RAD18: variants seen among roughly 807,000 people sequenced by gnomAD.
RAD18 encodes RAD18 E3 ubiquitin protein ligase.
Under a neutral mutation model 60.4 loss-of-function variants are expected in RAD18, and 47 were observed. That is an observed-to-expected ratio of 0.78 (90% CI 0.62 to 0.99). The LOEUF (loss-of-function observed/expected upper bound fraction) is 0.99, where lower values mean the gene tolerates loss of function less well. RAD18 is among the 50% of genes least tolerant of loss of function. The probability of loss-of-function intolerance (pLI) is 0.00; values close to 1 mark genes in which losing one functional copy is unlikely to be tolerated. For synonymous variants in RAD18, 225 were observed against 195.5 expected (o/e 1.15, Z -1.26); for missense variants, 640 against 593.3 (o/e 1.08, Z -0.82).
At chr3:8,956,389 C>T (rs777176050) in intron 2 of RAD18, among the ~76,000 whole-genome samples, 49 of 152,320 alleles carry the variant, frequency 3.2e-4, no homozygotes, top group Non-Finnish European at 6.3e-4. Context: ...GCATATGTAA[C>T]ATCAACACAC....
At chr3:8,944,743 G>A (rs1940812108) in intron 4 of RAD18, among the ~76,000 whole-genome samples, 1 of 152,146 alleles carries the variant, frequency 6.6e-6, no homozygotes, top group Admixed American at 6.5e-5. Context: ...CTTCAGAATG[G>A]GGCTAAGAAT....
In RAD18 at chr3:8,935,804, A is replaced by G. The variant is rs1396495529; in HGVS notation, c.889+67T>C. 3.0e-6 allele frequency: 4 copies of G among 1,325,348 alleles called. No individual in the cohort carries two copies. The African/African-American group carries it at 6.1e-5, about 20-fold the overall frequency. 82.1% of individuals were successfully genotyped at this position (1,325,348 alleles called of 1,614,324 possible). Reference sequence around the variant, plus strand: ...TTTACAATATTTTTCTATGGTTTATAATTTCTGAGCTACACAAAATTGCTT... The same window carrying G: ...TTTACAATATTTTTCTATGGTTTATGATTTCTGAGCTACACAAAATTGCTT... On this transcript the variant is annotated intron_variant, in intron 7 of 12. Transcript: ENST00000264926.
In RAD18 at chr3:8,878,181, T is replaced by C. The variant is rs1939398570; in HGVS notation, c.*3176A>G. On this transcript the variant is annotated 3_prime_UTR_variant, in exon 13 of 13. Transcript: ENST00000264926. ...CAACATATGCAAGCATGGACTTGTA[T>C]CTGTATTCTGAATATCTGAACCTGG... 1 of 152,222 alleles carries C rather than the reference T, an allele frequency of 6.6e-6. No homozygotes were observed. Among genetic ancestry groups the C allele is most frequent in the East Asian group, 1.9e-4 (1 of 5,192 alleles). The allele number at this position is 152,222 out of a possible 1,614,324, so 9.4% of individuals were successfully genotyped here. A position where few individuals can be genotyped will look rare whatever the true frequency, so the allele number is the denominator to read the frequency against.
Position 8,913,644 on chromosome 3 carries a change from A to G in RAD18, c.966T>C (p.Ser322=). Residue 322 remains serine, a splice_region_variant and synonymous_variant, in exon 8 of 13, where the codon AGT becomes AGC. Transcript: ENST00000264926. ...ATACTGAAATAGCCCATTAACATAC[A>G]CTTTCATTGAGTTTACTAGCTTCAA... The part of the protein sequence containing the change: ...MRLEASKLNE[S]VMVFTKDQTE... The G allele has an allele frequency of 6.5e-7, 1 of 1,539,924 alleles. No individual in the cohort carries two copies. The highest frequency in any genetic ancestry group is 8.8e-7 in the Non-Finnish European group (1 of 1,137,760).
chr3:8,898,997 G>C lies in RAD18; in HGVS notation c.1219C>G (p.Leu407Val), dbSNP rs1430693994. 1 of 1,608,254 alleles carries C rather than the reference G, an allele frequency of 6.2e-7. No homozygotes were observed. Among genetic ancestry groups the C allele is most frequent in the African/African-American group, 1.3e-5 (1 of 74,764 alleles). The change falls in exon 11 of 13, where the codon CTG becomes GTG. Residue 407 changes from leucine to valine, a missense_variant. Coordinates refer to ENST00000264926, the MANE Select transcript of RAD18 (RefSeq NM_020165.4). ...SVTNHFSQSK[L>V]DSPEELEPDR... The stretch of plus-strand genomic sequence containing the variant: ...GGTTCCAATTCCTCTGGGGAGTCCA[G>C]CTTTGATTGAGAAAAGTGGTTTGTT...
intron 7 of RAD18, among the ~76,000 whole-genome samples, chr3:8,933,275 G>A (rs1301420138): frequency 1.3e-5 from 2 of 151,910 alleles, no homozygotes; most frequent in Non-Finnish European, 2.9e-5. Context: ...AAATTATAGG[G>A]ACAAAAAAAG....
intron 12 of RAD18, among the ~76,000 whole-genome samples, chr3:8,882,538 A>G (rs1182280313): frequency 1.3e-5 from 2 of 152,198 alleles, no homozygotes; most frequent in Non-Finnish European, 2.9e-5. Flanking sequence ...CTAGACTGAG[A>G]TAACAGTGAA....
At chr3:8,900,007 G>T (rs924122614) in intron 10 of RAD18, among the ~76,000 whole-genome samples, 5 of 152,168 alleles carry the variant, frequency 3.3e-5, no homozygotes, top group African/African-American at 7.2e-5. Context: ...TATACAGAGA[G>T]AATTTATGGG....
intron 8 of RAD18, 193 bp from the exon 9 acceptor site, chr3:8,912,565 C>A: frequency 2.8e-6 from 1 of 356,496 alleles, no homozygotes; most frequent in Non-Finnish European, 5.0e-6. Context: ...ACATTTTACT[C>A]ATTATTTTTT....
At position 8,877,994 on chromosome 3, in the gene RAD18, A is replaced by C. The variant is rs1231404703; in HGVS notation, c.*3363T>G. 1 of 152,312 alleles carries C rather than the reference A, an allele frequency of 6.6e-6. No homozygotes were observed. The highest frequency in any genetic ancestry group is 1.5e-5 in the Non-Finnish European group (1 of 68,118). 9.4% of individuals were successfully genotyped at this position (152,312 alleles called of 1,614,324 possible). On this transcript the variant is annotated 3_prime_UTR_variant, in exon 13 of 13. Transcript: ENST00000264926. ...AGGCCAAGAGACTGAAATGGACAGG[A>C]AGGCAGGGCTGCCCTAGCACTTGGC...
chr3:8,920,278 CAAA>C (rs60504682), intron 7 of RAD18, among the ~76,000 whole-genome samples: 1 of 70,064 alleles, frequency 1.4e-5, no homozygotes. Context: ...GACTCCGTCT[CAAA>C]AAAAAAAAAA....
intron 2 of RAD18, among the ~76,000 whole-genome samples, chr3:8,949,658 C>T (rs1358925628): frequency 6.6e-6 from 1 of 150,484 alleles, no homozygotes; most frequent in Non-Finnish European, 1.5e-5. Context: ...CTGCTCTCCC[C>T]GAACTGGAGA....
intron 8 of RAD18, 93 bp downstream of exon 8, chr3:8,913,551 A>G: frequency 1.1e-6 from 1 of 900,588 alleles, no homozygotes; most frequent in Non-Finnish European, 1.6e-6. Flanking sequence ...GTGTTAGTAA[A>G]TGAATAAATT....
intron 2 of RAD18, among the ~76,000 whole-genome samples, chr3:8,948,939 A>G (rs1396526240): frequency 6.6e-6 from 1 of 152,158 alleles, no homozygotes; most frequent in Admixed American, 6.5e-5. Flanking sequence ...ATATATACAC[A>G]TATTAAGAAA....
Position 8,881,113 on chromosome 3 carries a change from T to C in RAD18, c.*244A>G. 2 of 430,260 alleles carry C rather than the reference T, an allele frequency of 4.6e-6. No homozygotes were observed. Among genetic ancestry groups the C allele is most frequent in the East Asian group, 4.7e-5 (1 of 21,332 alleles). 26.7% of individuals were successfully genotyped at this position (430,260 alleles called of 1,614,324 possible). Reference sequence around the variant, plus strand: ...GAGTCTACCTCCTCTGCAAAGCTGGTACCTGTGTGAAATGTCAGTATTTTT... The same window carrying C: ...GAGTCTACCTCCTCTGCAAAGCTGGCACCTGTGTGAAATGTCAGTATTTTT... On this transcript the variant is annotated 3_prime_UTR_variant, in exon 13 of 13. Coordinates refer to ENST00000264926, the MANE Select transcript of RAD18 (RefSeq NM_020165.4).
At chr3:8,914,996 A>T (rs59129478) in intron 7 of RAD18, among the ~76,000 whole-genome samples, 3,210 of 148,952 alleles carry the variant, frequency 0.022, 92 homozygotes, top group African/African-American at 0.068. Context: ...AAAATTTTTT[A>T]AAATTAGCCG....
rs569940462 is a variant in RAD18 at position 8,899,014 on chromosome 3, T to A, written c.1202A>T (p.His401Leu). 6.2e-7 allele frequency: 1 copy of A among 1,608,470 alleles called. No individual in the cohort carries two copies. Among genetic ancestry groups the A allele is most frequent in the Non-Finnish European group, 8.5e-7 (1 of 1,176,908 alleles). Reference protein sequence around the residue: ...QEDNMTSVTNHFSQSKLDSPE... With the variant: ...QEDNMTSVTNLFSQSKLDSPE... The stretch of plus-strand genomic sequence containing the variant: ...GGAGTCCAGCTTTGATTGAGAAAAG[T>A]GGTTTGTTACTGAGGTCATATTATC... Residue 401 changes from histidine to leucine, a missense_variant, in exon 11 of 13, where the codon CAC becomes CTC. His to Leu is a moderately conservative substitution (Grantham distance 99, BLOSUM62 -3). Coordinates refer to ENST00000264926, the MANE Select transcript of RAD18 (RefSeq NM_020165.4).
intron 10 of RAD18, among the ~76,000 whole-genome samples, 169 bp downstream of exon 10, chr3:8,902,211 A>C (rs956113397): frequency 2.0e-5 from 3 of 152,218 alleles, no homozygotes; most frequent in African/African-American, 7.2e-5. Flanking sequence ...CACTTTCCCC[A>C]TAGTAATAAA....
At chr3:8,938,725 CTA>C (rs1285843751) in intron 6 of RAD18, among the ~76,000 whole-genome samples, 4 of 152,144 alleles carry the variant, frequency 2.6e-5, no homozygotes, top group Non-Finnish European at 4.4e-5. Context: ...GCTTAAACTC[CTA>C]TTTTTAAAAA....
Sources: allele counts gnomAD v4.1 joint callset (sites outside exome capture counted in the v4.1 genomes callset), GRCh38; gene constraint gnomAD v4.1.1; transcripts MANE v1.5; gene names NCBI Gene and HGNC (gene_info 2026-07-23, HGNC 2026-07-21).